Variants in DCST2 observed in about 807,000 individuals in gnomAD.
DCST2 encodes DC-STAMP domain-containing protein 2.
Under a neutral mutation model 81.8 loss-of-function variants are expected in DCST2, and 64 were observed. That is an observed-to-expected ratio of 0.78 (90% confidence interval 0.64 to 0.96). The LOEUF (loss-of-function observed/expected upper bound fraction) is 0.96, where lower values mean the gene tolerates loss of function less well. Ranked by LOEUF, DCST2 falls within the 40% of genes least tolerant of loss-of-function variation. The pLI is 0.00. For missense variants in DCST2, 945 were observed against 1,001.4 expected (o/e 0.94, Z 0.76); for synonymous variants, 354 against 402.6 (o/e 0.88, Z 1.44).
At chr1:155,020,722 G>A (rs918540921) in intron 14 of DCST2, among the ~76,000 whole-genome samples, 1 of 151,808 alleles carries the variant, frequency 6.6e-6, no homozygotes, top group African/African-American at 2.4e-5. Flanking sequence ...ATCCAGTTTT[G>A]GTCTTCCCGA....
chr1:155,022,271 A>T (rs183781432), intron 14 of DCST2, among the ~76,000 whole-genome samples: 1 of 151,860 alleles, frequency 6.6e-6, no homozygotes, highest in Admixed American at 6.6e-5. Context: ...TTGACTTCCA[A>T]CCTCATCTCC....
In DCST2 at chr1:155,029,235, C is replaced by A. The variant is rs1443444533; in HGVS notation, c.1340G>T (p.Arg447Leu). Residue 447 changes from arginine to leucine, a missense_variant and splice_region_variant, in exon 8 of 15, where the codon CGC (arginine) becomes CTC (leucine). By Grantham distance (102) the Arg-to-Leu change is moderately radical. Transcript: ENST00000368424. ...RHQLQGEIVA[R>L]SPVLVSLTVE... ...GAGGCTGTCACGTAGGCACTCACTG[C>A]GGGCCACAATCTCCCCCTGCAGCTG... 21 of 1,612,782 alleles carry A rather than the reference C, an allele frequency of 1.3e-5. No homozygotes were observed. Among genetic ancestry groups the A allele is most frequent in the African/African-American group, 2.7e-5 (2 of 74,798 alleles).
chr1:155,031,730 C>CGATGT lies in DCST2; in HGVS notation c.578_582dup (p.Gly195ThrfsTer15). 6.2e-7 allele frequency: 1 copy of CGATGT among 1,613,912 alleles called. No homozygotes were observed. On this transcript the variant is annotated frameshift_variant, in exon 4 of 15. Transcript: ENST00000368424. LOFTEE classifies it high-confidence loss of function. Reference sequence around the variant, plus strand: ...CCCAGTTCCGAGTTGCACACATCGCCGATGTGCAGGAGCCACTGCCACACA... The same window carrying CGATGT: ...CCCAGTTCCGAGTTGCACACATCGCCGATGTGATGTGCAGGAGCCACTGCCACACA...
At chr1:155,026,864 T>G in intron 8 of DCST2, 149 bp from the exon 9 acceptor site, 8 of 900,084 alleles carry the variant, frequency 8.9e-6, no homozygotes, top group Non-Finnish European at 1.4e-5. Flanking sequence ...GGCACCCTCA[T>G]GGTGCCCTGG....
At chr1:155,021,355 TC>T (rs777456419) in intron 14 of DCST2, among the ~76,000 whole-genome samples, 105 of 152,084 alleles carry the variant, frequency 6.9e-4, no homozygotes, top group Non-Finnish European at 1.4e-3. Context: ...CAGGCTGGTC[TC>T]GAACTCCTGG....
intron 4 of DCST2, 131 bp downstream of exon 4, chr1:155,031,443 C>G (rs1660077273): frequency 2.0e-6 from 2 of 1,004,714 alleles, no homozygotes; most frequent in East Asian, 2.6e-5. Flanking sequence ...CTGGTCCTAC[C>G]AAGCTTATTG....
chr1:155,026,108 C>T (rs1460761179), intron 10 of DCST2, among the ~76,000 whole-genome samples, 194 bp downstream of exon 10: 1 of 152,068 alleles, frequency 6.6e-6, no homozygotes, highest in East Asian at 1.9e-4. Flanking sequence ...AGCCCCACCC[C>T]AGAGGCACCA....
chr1:155,031,513 A>G, intron 4 of DCST2, 61 bp downstream of exon 4: 1 of 709,772 alleles, frequency 1.4e-6, no homozygotes, highest in Non-Finnish European at 2.5e-6. Context: ...TGACCCCCAC[A>G]TTCCCACCCC....
At chr1:155,027,038 T>A (rs10796936) in intron 8 of DCST2, among the ~76,000 whole-genome samples, 62,457 of 151,408 alleles carry the variant, frequency 0.41, 13,814 homozygotes, top group East Asian at 0.87. Context: ...TTTTTTTTTT[T>A]AATTTATTTT....
Position 155,030,611 on chromosome 1 carries a change from C to G in DCST2, c.840G>C (p.Glu280Asp). 6.2e-7 allele frequency: 1 copy of G among 1,614,096 alleles called. No individual in the cohort carries two copies. Reference sequence around the variant, plus strand: ...GGGTGGCTGTCATGTTGAACTCAAACTCCTGACGCACCCGGTTGAGCAACT... The same window carrying G: ...GGGTGGCTGTCATGTTGAACTCAAAGTCCTGACGCACCCGGTTGAGCAACT... Reference protein sequence around the residue: ...VIQLLNRVRQEFEFNMTATHH... With the variant: ...VIQLLNRVRQDFEFNMTATHH... Residue 280 changes from glutamate to aspartate, a missense_variant, in exon 6 of 15, where the codon GAG becomes GAC. Physicochemically the swap from Glu to Asp is conservative, Grantham distance 45 (BLOSUM62 2). Transcript: ENST00000368424.
intron 14 of DCST2, among the ~76,000 whole-genome samples, chr1:155,021,908 C>T (rs949948992): frequency 6.0e-5 from 9 of 150,992 alleles, no homozygotes; most frequent in African/African-American, 2.2e-4. Context: ...ATCATCCAGG[C>T]TGGGCTGGAG....
At position 155,026,464 on chromosome 1, in the gene DCST2, C is replaced by T. The variant is rs887454027; in HGVS notation, c.1511-62G>A. On this transcript the variant is annotated intron_variant, in intron 9 of 14. Coordinates refer to ENST00000368424, the MANE Select transcript of DCST2 (RefSeq NM_144622.3). ...GGCACAAGTGCCAGCCCACCCCTGG[C>T]GCCCCCCACATCCTCAGCAGTCTGC... 48 of 1,612,242 alleles carry T rather than the reference C, an allele frequency of 3.0e-5. No individual in the cohort carries two copies. In the East Asian group the frequency reaches 7.1e-4, roughly 24 times the overall value.
rs746686703 is a variant in DCST2 at position 155,023,265 on chromosome 1, A to G, written c.1965-8T>C. On this transcript the variant is annotated splice_region_variant and splice_polypyrimidine_tract_variant and intron_variant, in intron 13 of 14. Coordinates refer to ENST00000368424, the MANE Select transcript of DCST2 (RefSeq NM_144622.3). ...TCCTCATCGCTGGAGTCCCTGGAGA[A>G]GACTCTCATCTCAGTGGCCTGCAGA... 3 of 1,614,100 alleles carry G rather than the reference A, an allele frequency of 1.9e-6. No homozygotes were observed. The South Asian group carries it at 3.3e-5, about 18-fold the overall frequency.
chr1:155,031,469 C>A, intron 4 of DCST2, 105 bp downstream of exon 4: 1 of 1,317,960 alleles, frequency 7.6e-7, no homozygotes, highest in South Asian at 1.3e-5. Flanking sequence ...TCTCTGTTGC[C>A]CTCTAATCGT....
chr1:155,033,159 C>T lies in DCST2; in HGVS notation c.374G>A (p.Cys125Tyr). ...NFTRASEAVA[C>Y]GAELALNQTA... ...CTGGTTCAGGGCCAGCTCTGCCCCA[C>T]AGGCTACAGCCTCGCTGGCCCGGGT... Residue 125 changes from cysteine to tyrosine, a missense_variant, in exon 2 of 15, where the codon TGT becomes TAT. Transcript: ENST00000368424. 2 of 1,611,112 alleles carry T rather than the reference C, an allele frequency of 1.2e-6. No homozygotes were observed. The highest frequency in any genetic ancestry group is 1.7e-6 in the Non-Finnish European group (2 of 1,178,638).
Position 155,033,723 on chromosome 1 carries a change from G to C in DCST2, c.-22C>G. 6.2e-7 allele frequency: 1 copy of C among 1,605,904 alleles called. No individual in the cohort carries two copies. Among genetic ancestry groups the C allele is most frequent in the Non-Finnish European group, 8.5e-7 (1 of 1,174,796 alleles). ...GCATGGCTGCTGAGACCAAATGTCT[G>C]CCTGTCTCCAGGAGATGCCCGCTGA... On this transcript the variant is annotated 5_prime_UTR_variant, in exon 1 of 15. Coordinates refer to ENST00000368424, the MANE Select transcript of DCST2 (RefSeq NM_144622.3).
intron 10 of DCST2, 98 bp from the exon 11 acceptor site, chr1:155,024,700 C>T: frequency 7.5e-7 from 1 of 1,327,118 alleles, no homozygotes; most frequent in South Asian, 2.1e-5. Flanking sequence ...TTCTATCCAA[C>T]TCCTATGAAT....
At chr1:155,026,026 G>A (rs760343371) in intron 10 of DCST2, among the ~76,000 whole-genome samples, 12 of 148,824 alleles carry the variant, frequency 8.1e-5, no homozygotes, top group Admixed American at 4.0e-4. Context: ...ACTCTCCCCC[G>A]TCCCTCATCC....
chr1:155,023,986 C>A, intron 11 of DCST2, 27 bp from the exon 12 acceptor site: 2 of 1,602,770 alleles, frequency 1.2e-6, no homozygotes, highest in Non-Finnish European at 8.5e-7. Context: ...AGACACTAAG[C>A]AGGCCAGCCC....
Sources: allele counts gnomAD v4.1 joint callset (sites outside exome capture counted in the v4.1 genomes callset), GRCh38; gene constraint gnomAD v4.1.1; transcripts MANE v1.5; gene names NCBI Gene and HGNC (gene_info 2026-07-23, HGNC 2026-07-21).